The following ZNF469 variants were observed in gnomAD, a reference collection of about 807,000 sequenced individuals.
ZNF469 encodes zinc finger protein 469.
A neutral mutation model predicts 1.0 loss-of-function variants in ZNF469; 1 was observed. The observed-to-expected ratio is 1.00, with a 90% CI of 0.35 to 4.73. The LOEUF (loss-of-function observed/expected upper bound fraction) is 4.73, where lower values mean the gene tolerates loss of function less well. Among genes scored for constraint, ZNF469 ranks in the 30% most tolerant of loss-of-function variants. The pLI, the probability that ZNF469 is intolerant of heterozygous loss-of-function variation, is 0.16. For synonymous variants in ZNF469, 2,703 were observed against 2,363.4 expected, an observed-to-expected ratio of 1.14 and a Z score of -4.17; for missense variants, 6,100 against 5,356.3, an observed-to-expected ratio of 1.14 and a Z score of -4.33.
At chr16:88,319,979 C>T in the ZNF469 span, among the ~76,000 whole-genome samples, 1 of 152,238 alleles carries the variant, frequency 6.6e-6, no homozygotes, top group Admixed American at 6.5e-5. Flanking sequence ...ATCTCCCCGG[C>T]CTGAAGCCTG....
At chr16:88,114,221 G>A in the ZNF469 span, among the ~76,000 whole-genome samples, 68 of 148,190 alleles carry the variant, frequency 4.6e-4, 1 homozygote, top group African/African-American at 1.5e-3. Flanking sequence ...GGGGGTCTCC[G>A]GGGAGAATGA....
chr16:88,140,172 G>A, the ZNF469 span, among the ~76,000 whole-genome samples: 5 of 152,232 alleles, frequency 3.3e-5, no homozygotes, highest in Non-Finnish European at 7.3e-5. Flanking sequence ...TGGCATTGAA[G>A]TGGCAGAACC....
In ZNF469 at chr16:88,439,440, C is replaced by A; in HGVS notation, c.*108C>A. On this transcript the variant is annotated 3_prime_UTR_variant, in exon 3 of 3. Transcript: ENST00000565624. ...GGTCCACTCTGTGGCCACTTGACTT[C>A]TTGTGCAACTGCTCAGGCCTTGATG... 1.7e-6 allele frequency: 2 copies of A among 1,208,974 alleles called. No homozygotes were observed. The highest frequency in any genetic ancestry group is 2.4e-6 in the Non-Finnish European group (2 of 841,750). 74.9% of individuals were successfully genotyped at this position (1,208,974 alleles called of 1,614,324 possible).
chr16:88,112,766 C>T, the ZNF469 span, among the ~76,000 whole-genome samples: 4 of 134,290 alleles, frequency 3.0e-5, no homozygotes, highest in African/African-American at 1.1e-4. Flanking sequence ...CTCTGCTGTG[C>T]AGAAGCTTTT....
At chr16:88,185,902 CCA>C in the ZNF469 span, among the ~76,000 whole-genome samples, 1 of 151,646 alleles carries the variant, frequency 6.6e-6, no homozygotes, top group South Asian at 2.1e-4. Flanking sequence ...GTGCGCAGAC[CCA>C]CAGACACACA....
the ZNF469 span, among the ~76,000 whole-genome samples, chr16:88,188,427 G>T: frequency 6.6e-6 from 1 of 152,228 alleles, no homozygotes; most frequent in African/African-American, 2.4e-5. Flanking sequence ...TTCTGAGGCT[G>T]TGCCTGGCCT....
At chr16:88,339,163 C>CA in the ZNF469 span, among the ~76,000 whole-genome samples, 37,907 of 95,764 alleles carry the variant, frequency 0.4, 6,724 homozygotes, top group African/African-American at 0.57. Flanking sequence ...GACAGGGTGG[C>CA]GGGGGACATG....
At chr16:88,265,846 T>G in the ZNF469 span, among the ~76,000 whole-genome samples, 5 of 152,218 alleles carry the variant, frequency 3.3e-5, no homozygotes, top group Non-Finnish European at 5.9e-5. Context: ...CTTGGCTGCC[T>G]CCAGGCTCAG....
At chr16:88,320,144 G>A in the ZNF469 span, among the ~76,000 whole-genome samples, 1 of 152,244 alleles carries the variant, frequency 6.6e-6, no homozygotes. Flanking sequence ...GCTGCTTGCC[G>A]TGGCAGAAGT....
At chr16:88,402,184 G>T (rs894438955) in intron 1 of ZNF469, among the ~76,000 whole-genome samples, 1 of 149,784 alleles carries the variant, frequency 6.7e-6, no homozygotes, top group Non-Finnish European at 1.5e-5. Context: ...ATGGGTGGGC[G>T]AATGGATGGA....
chr16:88,330,002 C>T, the ZNF469 span, among the ~76,000 whole-genome samples: 1 of 152,254 alleles, frequency 6.6e-6, no homozygotes. Flanking sequence ...AGAGTGGAAG[C>T]AGCCAGTCAC....
At position 88,437,561 on chromosome 16, in the gene ZNF469, T is replaced by C; in HGVS notation, c.10091T>C (p.Val3364Ala). 2.0e-6 allele frequency: 3 copies of C among 1,538,042 alleles called. No homozygotes were observed. The highest frequency in any genetic ancestry group is 8.8e-7 in the Non-Finnish European group (1 of 1,138,068). ...CTGGCGGTGCACAGCCCGCAGCGCG[T>C]CTACCTGTGCCCCCGGTGCCCCCGG... ...RHLAVHSPQR[V>A]YLCPRCPRVY... The change falls in exon 3 of 3, where the codon GTC becomes GCC. Residue 3364 changes from valine (V) to alanine (A), a missense_variant. Transcript: ENST00000565624.
the ZNF469 span, chr16:88,177,198 C>G: frequency 6.6e-6 from 1 of 151,224 alleles, no homozygotes; most frequent in Admixed American, 6.5e-5. This position sits in a 1 kb window ranked among gnomAD's most constrained non-coding sequence, Gnocchi z 4.8. Flanking sequence ...AGTGAGAACA[C>G]AGAAGCAGAT....
intron 1 of ZNF469, among the ~76,000 whole-genome samples, chr16:88,401,567 A>ATGAG (rs1904861037): frequency 6.6e-6 from 1 of 150,726 alleles, no homozygotes; most frequent in Non-Finnish European, 1.5e-5. Context: ...GGGTGGATGG[A>ATGAG]TGGATACATG....
rs1324920522 is a variant in ZNF469 at position 88,439,790 on chromosome 16, A to G, written c.*458A>G. On this transcript the variant is annotated 3_prime_UTR_variant, in exon 3 of 3. Transcript: ENST00000565624. ...TCTTGCTGCTGTTGCTGGAATTCCA[A>G]AGTGACCTTAGAAACCACGTGGGGG... 1.3e-5 allele frequency: 3 copies of G among 235,616 alleles called. No homozygotes were observed. The highest frequency in any genetic ancestry group is 2.5e-5 in the Non-Finnish European group (3 of 119,674). The allele number at this position is 235,616 out of a possible 1,614,324, so 14.6% of individuals were successfully genotyped here. A position where few individuals can be genotyped will look rare whatever the true frequency, so the allele number is the denominator to read the frequency against.
intron 1 of ZNF469, among the ~76,000 whole-genome samples, chr16:88,412,913 C>T: frequency 6.6e-6 from 1 of 152,196 alleles, no homozygotes; most frequent in Non-Finnish European, 1.5e-5. Context: ...GCTCCGTGTC[C>T]TGGCAGCCAC....
the ZNF469 span, among the ~76,000 whole-genome samples, chr16:88,241,091 G>C: frequency 5.3e-5 from 8 of 152,188 alleles, no homozygotes; most frequent in Non-Finnish European, 1.0e-4. This position sits in a 1 kb window ranked among gnomAD's most constrained non-coding sequence, Gnocchi z 4.8. Context: ...TTGTTAGGCC[G>C]GGCGCAGTGG....
chr16:88,107,081 C>A, the ZNF469 span, among the ~76,000 whole-genome samples: 1 of 152,168 alleles, frequency 6.6e-6, no homozygotes, highest in Non-Finnish European at 1.5e-5. Context: ...CGTGCCTCGG[C>A]TCTCTCAGGC....
chr16:88,275,508 C>G, the ZNF469 span, among the ~76,000 whole-genome samples: 12 of 152,292 alleles, frequency 7.9e-5, no homozygotes, highest in African/African-American at 2.6e-4. Flanking sequence ...CACCCACCTT[C>G]CGGGGCGTTG....
Sources: gnomAD v4.1 joint callset for allele counts (sites outside exome capture counted in the v4.1 genomes callset) on GRCh38, gnomAD v4.1.1 for gene constraint, Gnocchi (gnomAD v3.1) non-coding constraint, MANE v1.5 for transcripts, NCBI Gene and HGNC (gene_info 2026-07-23, HGNC 2026-07-21) for gene names.